Variants in RNPEPL1 observed in about 807,000 individuals in gnomAD.
RNPEPL1 encodes the protein arginyl aminopeptidase like 1, also known as aminopeptidase RNPEPL1.
A neutral mutation model predicts 69.0 loss-of-function variants in RNPEPL1; 46 were observed. The observed-to-expected ratio is 0.67, with a 90% confidence interval of 0.53 to 0.85. The LOEUF (loss-of-function observed/expected upper bound fraction) is 0.85. Among genes scored for constraint, RNPEPL1 ranks in the 40% least tolerant of loss-of-function variants. The probability of loss-of-function intolerance (pLI) is 0.00; values close to 1 mark genes in which losing one functional copy is unlikely to be tolerated. For synonymous variants in RNPEPL1, 525 were observed against 454.1 expected (o/e 1.16, Z -1.98); for missense variants, 869 against 992.5 (o/e 0.88, Z 1.67).
chr2:240,575,019 T>C lies in RNPEPL1; in HGVS notation c.1289-11T>C. ...TTCGGACGCCAGCCCAGGTGGGTGT[T>C]CACCTTGCAGGAGTGAATCCCAGCC... On this transcript the variant is annotated splice_polypyrimidine_tract_variant and intron_variant, in intron 6 of 10. Coordinates refer to ENST00000270357, the MANE Select transcript of RNPEPL1 (RefSeq NM_018226.6). The C allele has an allele frequency of 1.1e-5, 18 of 1,608,614 alleles. No homozygotes were observed. The highest frequency in any genetic ancestry group is 1.5e-5 in the Non-Finnish European group (18 of 1,175,332).
At chr2:240,572,658 G>C (rs553872422) in intron 2 of RNPEPL1, 95 bp downstream of exon 2, 431 of 1,441,210 alleles carry the variant, frequency 3.0e-4, no homozygotes, top group African/African-American at 2.8e-3. Flanking sequence ...CTGGGCTGTG[G>C]CCCCAGCTGC....
rs981087259 is a variant in RNPEPL1 at position 240,579,719 on chromosome 2, T to C, written c.*1827T>C. The C allele has an allele frequency of 3.9e-5, 6 of 152,216 alleles. No individual in the cohort carries two copies. Among genetic ancestry groups the C allele is most frequent in the African/African-American group, 1.4e-4 (6 of 41,450 alleles). 9.4% of individuals were successfully genotyped at this position (152,216 alleles called of 1,614,324 possible). On this transcript the variant is annotated 3_prime_UTR_variant, in exon 11 of 11. Coordinates refer to ENST00000270357, the MANE Select transcript of RNPEPL1 (RefSeq NM_018226.6). ...GGCTCCAGCCTTGGGAGGACCCCTTTCCTGTTTCTTAACCATGCTTGATGG... is the reference window on the plus strand; with the variant it reads ...GGCTCCAGCCTTGGGAGGACCCCTTCCCTGTTTCTTAACCATGCTTGATGG...
chr2:240,578,167 C>T lies in RNPEPL1; in HGVS notation c.*275C>T, dbSNP rs1575439849. On this transcript the variant is annotated 3_prime_UTR_variant, in exon 11 of 11. Coordinates refer to ENST00000270357, the MANE Select transcript of RNPEPL1 (RefSeq NM_018226.6). ...ATGCCTCCTGTCTCAACACTGACAG[C>T]TGTGCCTAGCCCCGGATGCCAGCAC... The T allele has an allele frequency of 3.4e-5, 12 of 349,380 alleles. No homozygotes were observed. In the East Asian group the frequency reaches 5.1e-4, roughly 15 times the overall value. The allele number at this position is 349,380 out of a possible 1,614,324, so 21.6% of individuals were successfully genotyped here.
intron 1 of RNPEPL1, among the ~76,000 whole-genome samples, chr2:240,569,673 G>T (rs2093015652): frequency 6.6e-6 from 1 of 152,220 alleles, no homozygotes; most frequent in South Asian, 2.1e-4. Flanking sequence ...AGGTGGCTGA[G>T]GCTGGCGCTG....
chr2:240,574,226 T>G lies in RNPEPL1; in HGVS notation c.1052T>G (p.Val351Gly). The G allele has an allele frequency of 6.2e-7, 1 of 1,613,300 alleles. No individual in the cohort carries two copies. ...AGCGATGAGTTCCTGGTCATCGATG[T>G]CATCCACGAGGTGGCCCACAGTTGG... ...LESDEFLVIDVIHEVAHSWFG... is the reference protein window; with the variant it reads ...LESDEFLVIDGIHEVAHSWFG... Residue 351 changes from valine to glycine, a missense_variant, in exon 5 of 11, where the codon GTC becomes GGC. Transcript: ENST00000270357.
chr2:240,577,961 A>T lies in RNPEPL1; in HGVS notation c.*69A>T. ...GTGCCTTCTGTGGGCCAGGCCTGCCATGACTGCGTCTCGGCTCTGGCCATG... is the reference window on the plus strand; with the variant it reads ...GTGCCTTCTGTGGGCCAGGCCTGCCTTGACTGCGTCTCGGCTCTGGCCATG... On this transcript the variant is annotated 3_prime_UTR_variant, in exon 11 of 11. Coordinates refer to ENST00000270357, the MANE Select transcript of RNPEPL1 (RefSeq NM_018226.6). 2 of 1,381,038 alleles carry T rather than the reference A, an allele frequency of 1.4e-6. No homozygotes were observed. The highest frequency in any genetic ancestry group is 1.9e-6 in the Non-Finnish European group (2 of 1,048,490). 85.5% of individuals were successfully genotyped at this position (1,381,038 alleles called of 1,614,324 possible). A position where few individuals can be genotyped will look rare whatever the true frequency, so the allele number is the denominator to read the frequency against.
chr2:240,571,095 C>A (rs561676562), intron 1 of RNPEPL1, among the ~76,000 whole-genome samples: 446 of 152,134 alleles, frequency 2.9e-3, no homozygotes, highest in Non-Finnish European at 4.0e-3. Context: ...AGGTCCCAGC[C>A]CCCCCCAAGG....
intron 1 of RNPEPL1, among the ~76,000 whole-genome samples, chr2:240,569,591 A>G (rs1444014288): frequency 6.6e-6 from 1 of 152,200 alleles, no homozygotes; most frequent in African/African-American, 2.4e-5. Flanking sequence ...CGACCCCAAC[A>G]TAGACACACA....
In RNPEPL1 at chr2:240,574,183, A is replaced by T; in HGVS notation, c.1009A>T (p.Ile337Phe). 1 of 1,613,288 alleles carries T rather than the reference A, an allele frequency of 6.2e-7. No homozygotes were observed. The highest frequency in any genetic ancestry group is 8.5e-7 in the Non-Finnish European group (1 of 1,179,874). The stretch of plus-strand genomic sequence containing the variant: ...GGAGAACCCCTGCCTCACCTTCATC[A>T]TCTCCTCCATCCTGGAGAGCGATGA... The part of the protein sequence containing the change: ...AMENPCLTFI[I>F]SSILESDEFL... The change falls in exon 5 of 11, where the codon ATC becomes TTC. Residue 337 changes from isoleucine to phenylalanine, a missense_variant. Ile to Phe is a conservative substitution (Grantham distance 21). This residue lies in a region of RNPEPL1 where 610 missense variants were observed against 790.9 expected (regional missense o/e 0.77). Transcript: ENST00000270357.
chr2:240,574,614 T>C lies in RNPEPL1; in HGVS notation c.1274T>C (p.Val425Ala). The C allele has an allele frequency of 6.2e-7, 1 of 1,612,598 alleles. No individual in the cohort carries two copies. Among genetic ancestry groups the C allele is most frequent in the Non-Finnish European group, 8.5e-7 (1 of 1,179,832 alleles). ...GEDSPVSKLQ[V>A]KLEPGVNPSH... The stretch of plus-strand genomic sequence containing the variant: ...GACAGCCCGGTCAGCAAACTGCAGG[T>C]CAAGCTGGAGCCAGGTACCTGCTCC... Residue 425 changes from valine to alanine, a missense_variant, in exon 6 of 11, where the codon GTC becomes GCC. By Grantham distance (64) the Val-to-Ala change is moderately conservative. Around this residue, in one of 2 missense-constraint regions of RNPEPL1, gnomAD observed 610 missense variants for 790.9 expected, o/e 0.77. Transcript: ENST00000270357.
In RNPEPL1 at chr2:240,569,080, T is replaced by C. The variant is rs2093013633; in HGVS notation, c.494T>C (p.Val165Ala). The C allele has an allele frequency of 6.6e-7, 1 of 1,507,244 alleles. No homozygotes were observed. The highest frequency in any genetic ancestry group is 8.8e-7 in the Non-Finnish European group (1 of 1,135,444). 93.4% of individuals were successfully genotyped at this position (1,507,244 alleles called of 1,614,324 possible). The change falls in exon 1 of 11, where the codon GTC becomes GCC. Residue 165 changes from valine (V) to alanine (A), a missense_variant. By Grantham distance (64) the Val-to-Ala change is moderately conservative. This residue lies in a region of RNPEPL1 where 610 missense variants were observed against 790.9 expected (regional missense o/e 0.77). Coordinates refer to ENST00000270357, the MANE Select transcript of RNPEPL1 (RefSeq NM_018226.6). ...CTGCAGGCGCACCAGCCCTTCCAGG[T>C]CATCCTGCGGTACACCTCGACCGAC... ...PELQAHQPFQ[V>A]ILRYTSTDAP...
chr2:240,572,029 A>G (rs922427726), intron 1 of RNPEPL1, among the ~76,000 whole-genome samples: 1 of 152,196 alleles, frequency 6.6e-6, no homozygotes, highest in Non-Finnish European at 1.5e-5. Flanking sequence ...GACCAAATCA[A>G]CTGCTGGGAA....
chr2:240,571,762 C>T (rs1382381074), intron 1 of RNPEPL1, among the ~76,000 whole-genome samples: 2 of 151,842 alleles, frequency 1.3e-5, no homozygotes, highest in East Asian at 1.9e-4. Context: ...CTCACCGCAG[C>T]CCCCGGCCTC....
chr2:240,574,069 T>C (rs779933746), intron 4 of RNPEPL1, 44 bp from the exon 5 acceptor site: 6 of 1,560,172 alleles, frequency 3.8e-6, no homozygotes, highest in Non-Finnish European at 5.3e-6. Flanking sequence ...AGGGTGGGAG[T>C]CTGAGCCCCG....
chr2:240,575,632 G>A (rs2093035450), intron 8 of RNPEPL1, 22 bp downstream of exon 8: 4 of 1,598,894 alleles, frequency 2.5e-6, no homozygotes, highest in Non-Finnish European at 3.4e-6. Flanking sequence ...CCCCAACCCT[G>A]CAGCCAGGGA....
At position 240,569,132 on chromosome 2, in the gene RNPEPL1, G is replaced by A; in HGVS notation, c.528+18G>A. On this transcript the variant is annotated intron_variant, in intron 1 of 10. Coordinates refer to ENST00000270357, the MANE Select transcript of RNPEPL1 (RefSeq NM_018226.6). ...CCCCCGCCGTGAGTCCGGGGCGGGC[G>A]CCGGGGCTGCGGGCCGGTCCGCAGG... 6.8e-7 allele frequency: 1 copy of A among 1,463,014 alleles called. No individual in the cohort carries two copies. The allele number at this position is 1,463,014 out of a possible 1,614,324, so 90.6% of individuals were successfully genotyped here.
At position 240,569,115 on chromosome 2, in the gene RNPEPL1, G is replaced by A; in HGVS notation, c.528+1G>A. On this transcript the variant is annotated splice_donor_variant, in intron 1 of 10. Transcript: ENST00000270357. LOFTEE classifies it high-confidence loss of function. ...GTACACCTCGACCGACGCCCCCGCC[G>A]TGAGTCCGGGGCGGGCGCCGGGGCT... 1 of 1,489,524 alleles carries A rather than the reference G, an allele frequency of 6.7e-7. No individual in the cohort carries two copies. Among genetic ancestry groups the A allele is most frequent in the Non-Finnish European group, 8.9e-7 (1 of 1,126,250 alleles). 92.3% of individuals were successfully genotyped at this position (1,489,524 alleles called of 1,614,324 possible).
chr2:240,575,512 A>T lies in RNPEPL1; in HGVS notation c.1412A>T (p.Glu471Val). ...RFDDFLRAYVEKYKFTSVVAQ... is the reference protein window; with the variant it reads ...RFDDFLRAYVVKYKFTSVVAQ... ...ACCTCTGCCACACAGGCCTATGTGG[A>T]GAAGTACAAGTTCACCAGCGTGGTG... The change falls in exon 8 of 11, where the codon GAG (glutamate) becomes GTG (valine). Residue 471 changes from glutamate (E) to valine (V), a missense_variant. Physicochemically the swap from Glu to Val is moderately radical, Grantham distance 121 (BLOSUM62 -2). This residue lies in a region of RNPEPL1 where 610 missense variants were observed against 790.9 expected (regional missense o/e 0.77). Transcript: ENST00000270357. 1 of 1,613,222 alleles carries T rather than the reference A, an allele frequency of 6.2e-7. No homozygotes were observed. The highest frequency in any genetic ancestry group is 8.5e-7 in the Non-Finnish European group (1 of 1,179,756).
rs1386361343 is a variant in RNPEPL1 at position 240,575,572 on chromosome 2, T to TC, written c.1475dup (p.Glu493GlyfsTer28). The TC allele has an allele frequency of 6.2e-7, 1 of 1,613,286 alleles. No homozygotes were observed. The highest frequency in any genetic ancestry group is 1.3e-5 in the African/African-American group (1 of 74,936). ...CTGCTGGACTCCTTCCTGAGCTTCTTCCCGGAGCTGAAGGAGCAGAGCGTG... is the reference window on the plus strand; with the variant it reads ...CTGCTGGACTCCTTCCTGAGCTTCTTCCCCGGAGCTGAAGGAGCAGAGCGTG... On this transcript the variant is annotated frameshift_variant, in exon 8 of 11. Transcript: ENST00000270357. LOFTEE classifies it high-confidence loss of function.
Sources: gnomAD v4.1 joint callset for allele counts (sites outside exome capture counted in the v4.1 genomes callset) on GRCh38, gnomAD v4.1.1 for gene constraint, gnomAD v4.1.1 regional missense constraint, MANE v1.5 for transcripts, NCBI Gene and HGNC (gene_info 2026-07-23, HGNC 2026-07-21) for gene names.